STK32B: variants seen among roughly 807,000 people sequenced by gnomAD.
The protein encoded by STK32B is serine/threonine kinase 32B.
In STK32B, 43 loss-of-function variants were observed where a neutral mutation model predicts 52.6. The ratio of observed to expected loss-of-function variants is 0.82; its 90% CI spans 0.64 to 1.05. The LOEUF (loss-of-function observed/expected upper bound fraction) is 1.05, where lower values mean the gene tolerates loss of function less well. STK32B is among the 50% of genes least tolerant of loss of function. The pLI, the probability that STK32B is intolerant of heterozygous loss-of-function variation, is 0.00. For synonymous variants in STK32B, 238 were observed against 204.3 expected (o/e 1.17, Z -1.41); for missense variants, 621 against 534.6 (o/e 1.16, Z -1.59).
At chr4:5,407,652 G>A (rs1411663179) in intron 5 of STK32B, among the ~76,000 whole-genome samples, 6 of 152,044 alleles carry the variant, frequency 3.9e-5, no homozygotes, top group South Asian at 2.1e-4. Flanking sequence ...CAGGAGTTTG[G>A]GGGGTGGGGG....
Position 5,467,985 on chromosome 4 carries a change from C to T in STK32B, c.1042-21C>T. ...CGGACCGTGCTTTGTCATTTAGTCA[C>T]CCCTCTGTGCTCTTTGACAGAATGG... On this transcript the variant is annotated intron_variant, in intron 10 of 11. Transcript: ENST00000282908. The surrounding 1 kb of genome is among the most constrained non-coding windows in gnomAD (Gnocchi z 5.8). The T allele has an allele frequency of 2.5e-6, 4 of 1,613,946 alleles. No individual in the cohort carries two copies. The South Asian group carries it at 3.3e-5, about 13-fold the overall frequency.
intron 3 of STK32B, among the ~76,000 whole-genome samples, chr4:5,216,526 C>T (rs546501102): frequency 6.6e-6 from 1 of 152,178 alleles, no homozygotes; most frequent in Admixed American, 6.5e-5. Flanking sequence ...CTTGCAGAAA[C>T]CTGAAAAATA....
At position 5,460,386 on chromosome 4, in the gene STK32B, G is replaced by A. The variant is rs1010948767; in HGVS notation, c.909+158G>A. 6.6e-6 allele frequency among the ~76,000 whole-genome samples: 1 copy of A among 152,194 alleles called. No individual in the cohort carries two copies. Among genetic ancestry groups the A allele is most frequent in the Non-Finnish European group, 1.5e-5 (1 of 68,034 alleles). ...TTGCTGGAATTCAGGGTGAACTTGG[G>A]CCTGATTTCCAGGGTCCCAGCCGTA... is the stretch of plus-strand genomic sequence containing the variant. On this transcript the variant is annotated intron_variant, in intron 9 of 11. Transcript: ENST00000282908. This position sits in a 1 kb window ranked among gnomAD's most constrained non-coding sequence, Gnocchi z 4.8.
chr4:5,208,793 G>T (rs1159733782), intron 3 of STK32B, among the ~76,000 whole-genome samples: 1 of 152,008 alleles, frequency 6.6e-6, no homozygotes, highest in African/African-American at 2.4e-5. Context: ...GATTAATTTG[G>T]GTAAATCCAT....
At chr4:5,159,672 TGA>T (rs1310839461) in intron 2 of STK32B, among the ~76,000 whole-genome samples, 77 of 75,924 alleles carry the variant, frequency 1.0e-3, no homozygotes, top group Middle Eastern at 6.1e-3. Context: ...TGAATGTATA[TGA>T]ATATATATAT....
intron 3 of STK32B, among the ~76,000 whole-genome samples, chr4:5,309,463 A>G (rs1307556458): frequency 6.6e-6 from 1 of 152,254 alleles, no homozygotes; most frequent in African/African-American, 2.4e-5. Context: ...GGTTGGAGGT[A>G]TCACACTACC....
chr4:5,298,082 A>G (rs1273711111), intron 3 of STK32B, among the ~76,000 whole-genome samples: 3 of 152,190 alleles, frequency 2.0e-5, no homozygotes, highest in African/African-American at 4.8e-5. Flanking sequence ...GGTCCACTCC[A>G]GACCCCATTT....
intron 3 of STK32B, among the ~76,000 whole-genome samples, chr4:5,182,861 C>G (rs1720466635): frequency 6.6e-6 from 1 of 152,186 alleles, no homozygotes; most frequent in Admixed American, 6.5e-5. Flanking sequence ...AAACAACATT[C>G]ATGTCTTGTA....
chr4:5,252,001 G>T (rs1189473404), intron 3 of STK32B, among the ~76,000 whole-genome samples: 1 of 152,138 alleles, frequency 6.6e-6, no homozygotes, highest in Non-Finnish European at 1.5e-5. Context: ...TATGTTTAAG[G>T]ATTATGTTAA....
intron 2 of STK32B, among the ~76,000 whole-genome samples, chr4:5,162,825 C>T (rs2108728090): frequency 6.6e-6 from 1 of 152,280 alleles, no homozygotes; most frequent in East Asian, 1.9e-4. Context: ...TTGAAGGTTC[C>T]CAGGACCTGG....
At chr4:5,277,280 G>A (rs1487840582) in intron 3 of STK32B, among the ~76,000 whole-genome samples, 1 of 152,186 alleles carries the variant, frequency 6.6e-6, no homozygotes, top group Non-Finnish European at 1.5e-5. Flanking sequence ...ATTTGTGCAA[G>A]TGCATAACTC....
intron 1 of STK32B, among the ~76,000 whole-genome samples, chr4:5,080,528 C>T (rs77730105): frequency 0.012 from 1,846 of 152,194 alleles, 38 homozygotes; most frequent in Admixed American, 0.051. Flanking sequence ...CTCAGCTTTT[C>T]GCTCTTACTG....
intron 4 of STK32B, among the ~76,000 whole-genome samples, chr4:5,370,994 GTGTATATATATATATA>G (rs938836660): frequency 7.9e-5 from 11 of 138,468 alleles, no homozygotes; most frequent in Non-Finnish European, 1.4e-4. Context: ...ATGTGTGTGT[GTGTATATATATATATA>G]TGTATATATA....
At chr4:5,462,184 T>G (rs996172912) in intron 9 of STK32B, among the ~76,000 whole-genome samples, 8 of 152,050 alleles carry the variant, frequency 5.3e-5, no homozygotes, top group Admixed American at 2.6e-4. Flanking sequence ...TCTGTATGTC[T>G]GTGTGCATGC....
chr4:5,375,324 G>A (rs1004782223), intron 4 of STK32B, among the ~76,000 whole-genome samples: 1 of 152,082 alleles, frequency 6.6e-6, no homozygotes, highest in African/African-American at 2.4e-5. Context: ...CACTGACCCA[G>A]GAACACACAG....
At chr4:5,027,754 C>A in the STK32B span, among the ~76,000 whole-genome samples, 288 of 152,304 alleles carry the variant, frequency 1.9e-3, 1 homozygote, top group African/African-American at 6.3e-3. Context: ...ATCAGTGTCT[C>A]TACCTGGTGT....
At chr4:5,270,861 C>G (rs1158487424) in intron 3 of STK32B, among the ~76,000 whole-genome samples, 1 of 152,150 alleles carries the variant, frequency 6.6e-6, no homozygotes, top group African/African-American at 2.4e-5. Flanking sequence ...GGGTTGCAGA[C>G]AAGATCAATA....
At chr4:5,347,004 C>G (rs1359243066) in intron 4 of STK32B, among the ~76,000 whole-genome samples, 1 of 152,200 alleles carries the variant, frequency 6.6e-6, no homozygotes, top group East Asian at 1.9e-4. Context: ...CACGTACTAT[C>G]ATGAGAACAG....
chr4:5,454,456 T>TA (rs1716314685), intron 7 of STK32B, among the ~76,000 whole-genome samples: 1 of 152,078 alleles, frequency 6.6e-6, no homozygotes, highest in Non-Finnish European at 1.5e-5. Flanking sequence ...TTCTGTGCCA[T>TA]AAAGTCCCCC....
Sources: allele counts gnomAD v4.1 joint callset (sites outside exome capture counted in the v4.1 genomes callset), GRCh38; gene constraint gnomAD v4.1.1; non-coding constraint Gnocchi (gnomAD v3.1); transcripts MANE v1.5; gene names NCBI Gene and HGNC (gene_info 2026-07-23, HGNC 2026-07-21).